The following INPP4B variants were observed in gnomAD, a reference collection of about 807,000 sequenced individuals.
INPP4B encodes the protein inositol polyphosphate 4-phosphatase type II.
In INPP4B, 55 loss-of-function variants were observed where a neutral mutation model predicts 122.5. The observed-to-expected ratio is 0.45, with a 90% CI of 0.36 to 0.56. INPP4B has a LOEUF of 0.56. Ranked by LOEUF, INPP4B falls within the 20% of genes least tolerant of loss-of-function variation. The probability of loss-of-function intolerance (pLI) is 0.00; values close to 1 mark genes in which losing one functional copy is unlikely to be tolerated. For synonymous variants in INPP4B, 403 were observed against 388.7 expected (o/e 1.04, Z -0.43); for missense variants, 1,000 against 1,097.7 (o/e 0.91, Z 1.26).
At chr4:142,694,237 G>T (rs1260257197) in intron 2 of INPP4B, among the ~76,000 whole-genome samples, 3 of 151,778 alleles carry the variant, frequency 2.0e-5, no homozygotes, top group African/African-American at 4.8e-5. Context: ...GTCAGGCATG[G>T]TGGTACACGT....
Position 142,433,305 on chromosome 4 carries a change from G to A in INPP4B, c.-126-1920C>T, listed in dbSNP as rs3806799. ...AAATTTTTTCACAATAATAGATTGTGGTTGTTGTATACCACAAGCATACTT... is the reference window on the plus strand; with the variant it reads ...AAATTTTTTCACAATAATAGATTGTAGTTGTTGTATACCACAAGCATACTT... On this transcript the variant is annotated intron_variant, in intron 3 of 25. Coordinates refer to ENST00000262992, the MANE Select transcript of INPP4B (RefSeq NM_001101669.3). 9.3e-4 allele frequency among the ~76,000 whole-genome samples: 141 copies of A among 152,158 alleles called. 3 individuals carry two copies. In the East Asian group the frequency reaches 0.019, roughly 21 times the overall value.
chr4:142,579,441 G>A (rs1161112276), intron 2 of INPP4B, among the ~76,000 whole-genome samples: 2 of 152,010 alleles, frequency 1.3e-5, no homozygotes, highest in Admixed American at 1.3e-4. Flanking sequence ...AAGCCATGGA[G>A]TGCCCAGATA....
chr4:142,636,944 T>C (rs1218327313), intron 2 of INPP4B, among the ~76,000 whole-genome samples: 2 of 152,168 alleles, frequency 1.3e-5, no homozygotes, highest in Non-Finnish European at 2.9e-5. Flanking sequence ...GATATTTTAA[T>C]TGTTAAAATA....
At chr4:142,605,883 C>T (rs897163826) in intron 2 of INPP4B, among the ~76,000 whole-genome samples, 2 of 151,924 alleles carry the variant, frequency 1.3e-5, no homozygotes, top group Non-Finnish European at 2.9e-5. Context: ...CTGCACCACC[C>T]AGCAATCCCA....
At chr4:142,031,665 A>G (rs1740246544) in intron 25 of INPP4B, among the ~76,000 whole-genome samples, 1 of 152,150 alleles carries the variant, frequency 6.6e-6, no homozygotes, top group Non-Finnish European at 1.5e-5. Context: ...TTACTATTCA[A>G]CTTTTTCCAG....
At chr4:142,606,512 G>A (rs1168967794) in intron 2 of INPP4B, among the ~76,000 whole-genome samples, 1 of 151,762 alleles carries the variant, frequency 6.6e-6, no homozygotes, top group Non-Finnish European at 1.5e-5. Context: ...ACACTCACAT[G>A]TACCCTATAC....
chr4:142,158,606 T>C (rs1377457916), intron 17 of INPP4B, among the ~76,000 whole-genome samples: 2 of 152,152 alleles, frequency 1.3e-5, no homozygotes, highest in Non-Finnish European at 2.9e-5. Flanking sequence ...TGTTTCTTTC[T>C]AAGCTTTGTT....
chr4:142,688,495 A>T (rs751836639), intron 2 of INPP4B, among the ~76,000 whole-genome samples: 4 of 152,132 alleles, frequency 2.6e-5, no homozygotes, highest in Non-Finnish European at 5.9e-5. Context: ...CCTGTCTCCT[A>T]CATGCCCTGA....
At chr4:142,693,483 TAAAAAAAAAAAAAAAAAAA>T (rs554003993) in intron 2 of INPP4B, among the ~76,000 whole-genome samples, 3 of 52,438 alleles carry the variant, frequency 5.7e-5, no homozygotes, top group Admixed American at 3.0e-4. Context: ...TGCCTTTTTC[TAAAAAAAAAAAAAAAAAAA>T]AAAAAAAAAA....
At position 142,270,735 on chromosome 4, in the gene INPP4B, G is replaced by A. The variant is rs1745359731; in HGVS notation, c.543C>T (p.Val181=). The A allele has an allele frequency of 3.7e-6, 6 of 1,613,894 alleles. No homozygotes were observed. Among genetic ancestry groups the A allele is most frequent in the Non-Finnish European group, 5.1e-6 (6 of 1,179,888 alleles). The change falls in exon 10 of 26, where the codon GTC becomes GTT. Residue 181 remains valine, a synonymous_variant. Coordinates refer to ENST00000262992, the MANE Select transcript of INPP4B (RefSeq NM_001101669.3). ...DGGKVVGTIE[V]SVVKMGEIED... is the part of the protein sequence containing the mutation. ...CAATCTCCCCCATCTTCACGACACTGACTTCTATGGTGCCAACCACTTTGC... is the reference window on the plus strand; with the variant it reads ...CAATCTCCCCCATCTTCACGACACTAACTTCTATGGTGCCAACCACTTTGC...
At chr4:142,362,743 C>T (rs913414211) in intron 7 of INPP4B, among the ~76,000 whole-genome samples, 2 of 151,914 alleles carry the variant, frequency 1.3e-5, no homozygotes, top group Non-Finnish European at 2.9e-5. Context: ...GACCAGAAAA[C>T]CAAATATCAC....
chr4:142,128,374 C>T (rs1313184883), intron 18 of INPP4B, among the ~76,000 whole-genome samples: 5 of 114,554 alleles, frequency 4.4e-5, no homozygotes, highest in African/African-American at 1.4e-4. Context: ...CACACACACA[C>T]ACACATACAC....
chr4:142,192,404 C>T (rs933178094), intron 15 of INPP4B, among the ~76,000 whole-genome samples: 2 of 138,164 alleles, frequency 1.4e-5, no homozygotes, highest in Non-Finnish European at 3.1e-5. Flanking sequence ...AGTTATTCTT[C>T]ATACCTGGAT....
At chr4:142,670,214 G>C (rs1756795349) in intron 2 of INPP4B, among the ~76,000 whole-genome samples, 1 of 151,622 alleles carries the variant, frequency 6.6e-6, no homozygotes, top group Admixed American at 6.7e-5. Context: ...GACGTTCACT[G>C]GTGCCTTGGA....
At chr4:142,572,105 T>G (rs111747906) in intron 2 of INPP4B, among the ~76,000 whole-genome samples, 2 of 152,144 alleles carry the variant, frequency 1.3e-5, no homozygotes, top group Non-Finnish European at 2.9e-5. Flanking sequence ...TTATCTTCTC[T>G]TTCCAAAGCC....
At chr4:142,583,505 C>T (rs1376716559) in intron 2 of INPP4B, 1 of 152,120 alleles carries the variant, frequency 6.6e-6, no homozygotes. Flanking sequence ...CCATCCCTTC[C>T]AACCATTTGG....
At chr4:142,450,981 C>T (rs1225784456) in intron 3 of INPP4B, among the ~76,000 whole-genome samples, 5 of 149,866 alleles carry the variant, frequency 3.3e-5, no homozygotes, top group Non-Finnish European at 5.9e-5. Context: ...TAACTCCCCC[C>T]CCCAAAAAAA....
intron 8 of INPP4B, among the ~76,000 whole-genome samples, chr4:142,312,112 C>G (rs1186723322): frequency 1.3e-5 from 2 of 152,100 alleles, no homozygotes; most frequent in East Asian, 1.9e-4. Context: ...TCTTTTAGTC[C>G]AGGAATTATA....
chr4:142,077,711 T>G (rs1771573198), intron 25 of INPP4B, among the ~76,000 whole-genome samples: 2 of 151,534 alleles, frequency 1.3e-5, no homozygotes, highest in Non-Finnish European at 2.9e-5. Context: ...AACCTGCAAA[T>G]TATTAAGCCA....
Sources: allele counts gnomAD v4.1 joint callset (sites outside exome capture counted in the v4.1 genomes callset), GRCh38; gene constraint gnomAD v4.1.1; transcripts MANE v1.5; gene names NCBI Gene and HGNC (gene_info 2026-07-23, HGNC 2026-07-21).